The following ELOVL7 variants were observed in gnomAD, a reference collection of about 807,000 sequenced individuals.
ELOVL7 encodes the protein ELOVL fatty acid elongase 7.
Under a neutral mutation model 35.7 loss-of-function variants are expected in ELOVL7, and 27 were observed. The observed-to-expected ratio is 0.76, with a 90% CI of 0.56 to 1.04. ELOVL7 has a LOEUF of 1.04. Ranked by LOEUF, ELOVL7 falls within the 50% of genes least tolerant of loss-of-function variation. The pLI, the probability that ELOVL7 is intolerant of heterozygous loss-of-function variation, is 0.00. For missense variants in ELOVL7, 327 were observed against 340.8 expected, an observed-to-expected ratio of 0.96 and a Z score of 0.32; for synonymous variants, 113 against 114.6, an observed-to-expected ratio of 0.99 and a Z score of 0.09.
At chr5:60,780,114 CTTT>C (rs59345433) in intron 3 of ELOVL7, among the ~76,000 whole-genome samples, 58 of 124,326 alleles carry the variant, frequency 4.7e-4, no homozygotes, top group African/African-American at 9.1e-4. Context: ...CAAACTTTCC[CTTT>C]TTTTTTTTTT....
chr5:60,807,257 G>A (rs1389024996), intron 1 of ELOVL7, among the ~76,000 whole-genome samples: 2 of 152,110 alleles, frequency 1.3e-5, no homozygotes, highest in Non-Finnish European at 2.9e-5. Context: ...ATGCCTTAAA[G>A]GGAATGGGAT....
intron 1 of ELOVL7, among the ~76,000 whole-genome samples, chr5:60,813,243 T>C (rs946601438): frequency 2.0e-5 from 3 of 152,174 alleles, no homozygotes; most frequent in African/African-American, 7.2e-5. Context: ...CTCCAACCTG[T>C]GAGCTGTTAC....
At chr5:60,766,505 A>AAAGATCAAACATTT (rs530153891) in intron 6 of ELOVL7, 69 bp downstream of exon 6, 16 of 1,373,792 alleles carry the variant, frequency 1.2e-5, no homozygotes, top group Non-Finnish European at 1.6e-5. Context: ...GGTTTCACTG[A>AAAGATCAAACATTT]AAGATCAAAC....
intron 1 of ELOVL7, among the ~76,000 whole-genome samples, chr5:60,824,638 A>T (rs1746068554): frequency 6.6e-6 from 1 of 152,192 alleles, no homozygotes; most frequent in African/African-American, 2.4e-5. Context: ...TTCATGAACA[A>T]ATCCTATCTT....
chr5:60,766,666 A>G, intron 5 of ELOVL7, 36 bp from the exon 6 acceptor site: 1 of 1,573,354 alleles, frequency 6.4e-7, no homozygotes, highest in East Asian at 2.2e-5. Flanking sequence ...TTTATTTTGT[A>G]TATGGAAGAA....
At chr5:60,755,899 C>T (rs1030922773) in intron 8 of ELOVL7, among the ~76,000 whole-genome samples, 2 of 152,156 alleles carry the variant, frequency 1.3e-5, no homozygotes, top group African/African-American at 4.8e-5. Flanking sequence ...AAATAGACAA[C>T]AATTACTCAC....
chr5:60,811,888 T>G (rs1365491876), intron 1 of ELOVL7, among the ~76,000 whole-genome samples: 2 of 152,158 alleles, frequency 1.3e-5, no homozygotes, highest in Non-Finnish European at 2.9e-5. Flanking sequence ...AATCTCAATC[T>G]TAATCTAAGA....
At chr5:60,789,426 C>CT (rs1743791497) in intron 2 of ELOVL7, among the ~76,000 whole-genome samples, 3 of 152,190 alleles carry the variant, frequency 2.0e-5, no homozygotes, top group South Asian at 4.2e-4. Context: ...AAAATTCAAA[C>CT]ATTTTTTTTA....
chr5:60,757,569 T>C lies in ELOVL7; in HGVS notation c.576A>G (p.Ala192=), dbSNP rs1194417383. ...VVMYSYYGLS[A]LGPAYQKYLW... ...AATACTTCTGGTAGGCTGGCCCCAATGCAGAAAGTCCATAGTAGGAATACA... is the reference window on the plus strand; with the variant it reads ...AATACTTCTGGTAGGCTGGCCCCAACGCAGAAAGTCCATAGTAGGAATACA... Residue 192 remains alanine (A), a synonymous_variant, in exon 8 of 9, where the codon GCA becomes GCG. Coordinates refer to ENST00000508821, the MANE Select transcript of ELOVL7 (RefSeq NM_024930.3). The C allele has an allele frequency of 1.2e-6, 2 of 1,613,622 alleles. No individual in the cohort carries two copies. The highest frequency in any genetic ancestry group is 2.7e-5 in the African/African-American group (2 of 75,034).
intron 2 of ELOVL7, among the ~76,000 whole-genome samples, chr5:60,798,571 A>G (rs1744405492): frequency 6.6e-6 from 1 of 152,234 alleles, no homozygotes; most frequent in Non-Finnish European, 1.5e-5. Context: ...ATTTTCTTAT[A>G]TCAGGCCAAA....
At chr5:60,824,208 C>A (rs1746039866) in intron 1 of ELOVL7, among the ~76,000 whole-genome samples, 1 of 152,150 alleles carries the variant, frequency 6.6e-6, no homozygotes, top group South Asian at 2.1e-4. Context: ...AAATTATAGT[C>A]TCTGAGAGAG....
chr5:60,775,531 A>T (rs1398689956), intron 3 of ELOVL7, among the ~76,000 whole-genome samples: 1 of 152,244 alleles, frequency 6.6e-6, no homozygotes, highest in African/African-American at 2.4e-5. Flanking sequence ...AGCAATCTTA[A>T]GCAAAAAGAA....
intron 1 of ELOVL7, among the ~76,000 whole-genome samples, chr5:60,815,914 G>A (rs554394961): frequency 1.2e-4 from 19 of 152,246 alleles, no homozygotes; most frequent in Middle Eastern, 3.4e-3. Context: ...GTGAAAAGAC[G>A]TCTCAGGCAG....
intron 3 of ELOVL7, among the ~76,000 whole-genome samples, chr5:60,786,256 C>T (rs1030691367): frequency 1.3e-5 from 2 of 152,108 alleles, no homozygotes; most frequent in Non-Finnish European, 2.9e-5. Context: ...TTCTAAGATG[C>T]TCTGATTCTT....
intron 2 of ELOVL7, among the ~76,000 whole-genome samples, chr5:60,794,810 T>A (rs1744149526): frequency 6.6e-6 from 1 of 152,150 alleles, no homozygotes; most frequent in Non-Finnish European, 1.5e-5. Context: ...TAGCCACAGA[T>A]GCTGCTCAAG....
At chr5:60,766,359 A>G (rs1742235604) in intron 6 of ELOVL7, among the ~76,000 whole-genome samples, 1 of 152,226 alleles carries the variant, frequency 6.6e-6, no homozygotes, top group Non-Finnish European at 1.5e-5. Context: ...GAGTTTGCAA[A>G]ATACTGAAAA....
In ELOVL7 at chr5:60,766,689, T is replaced by G. The variant is rs1742258753; in HGVS notation, c.337-59A>C. Reference sequence around the variant, plus strand: ...GTATATGGAAGAAAAGCTTATATTTTTAAATTTTGGTAAAATATGCATACC... The same window carrying G: ...GTATATGGAAGAAAAGCTTATATTTGTAAATTTTGGTAAAATATGCATACC... On this transcript the variant is annotated intron_variant, in intron 5 of 8. Coordinates refer to ENST00000508821, the MANE Select transcript of ELOVL7 (RefSeq NM_024930.3). 4.0e-6 allele frequency: 6 copies of G among 1,518,346 alleles called. No homozygotes were observed. The South Asian group carries it at 7.1e-5, about 18-fold the overall frequency. 94.1% of individuals were successfully genotyped at this position (1,518,346 alleles called of 1,614,324 possible).
intron 2 of ELOVL7, among the ~76,000 whole-genome samples, chr5:60,794,487 T>A (rs1469641451): frequency 1.3e-5 from 2 of 152,224 alleles, no homozygotes; most frequent in Non-Finnish European, 2.9e-5. Context: ...TTCACTCAGA[T>A]GAGGATGGGA....
intron 1 of ELOVL7, among the ~76,000 whole-genome samples, chr5:60,808,848 G>A (rs1487972414): frequency 6.6e-6 from 1 of 152,182 alleles, no homozygotes; most frequent in African/African-American, 2.4e-5. Context: ...TTTCTGTTAA[G>A]TGAAATAAGC....
Sources: gnomAD v4.1 joint callset for allele counts (sites outside exome capture counted in the v4.1 genomes callset) on GRCh38, gnomAD v4.1.1 for gene constraint, MANE v1.5 for transcripts, NCBI Gene and HGNC (gene_info 2026-07-23, HGNC 2026-07-21) for gene names.